The following MAP2 variants were observed in gnomAD, a reference collection of about 807,000 sequenced individuals.
MAP2 encodes microtubule associated protein 2, also known as microtubule-associated protein 2.
MAP2 carries 14 observed loss-of-function variants against 137.6 expected under a neutral mutation model. The observed-to-expected ratio is 0.10, with a 90% confidence interval of 0.07 to 0.16. The LOEUF is 0.16. Among genes scored for constraint, MAP2 ranks in the 10% least tolerant of loss-of-function variants. The probability of loss-of-function intolerance (pLI) is 1.00; values close to 1 mark genes in which losing one functional copy is unlikely to be tolerated. For synonymous variants in MAP2, 786 were observed against 782.3 expected, an observed-to-expected ratio of 1.00 and a Z score of -0.08; for missense variants, 2,088 against 2,191.5, an observed-to-expected ratio of 0.95 and a Z score of 0.94.
At chr2:209,632,767 C>T (rs2093209730) in intron 4 of MAP2, among the ~76,000 whole-genome samples, 1 of 152,110 alleles carries the variant, frequency 6.6e-6, no homozygotes. Flanking sequence ...GCTTTAATTC[C>T]TAAATCTGGC....
At chr2:209,554,217 T>C (rs2069933123) in intron 2 of MAP2, among the ~76,000 whole-genome samples, 2 of 152,214 alleles carry the variant, frequency 1.3e-5, no homozygotes, top group African/African-American at 4.8e-5. Flanking sequence ...GGTATTCAAA[T>C]CTAAACTCTC....
At chr2:209,469,038 T>C (rs576808864) in intron 1 of MAP2, among the ~76,000 whole-genome samples, 1 of 152,308 alleles carries the variant, frequency 6.6e-6, no homozygotes, top group East Asian at 1.9e-4. Context: ...TCATGAAATC[T>C]TACTAATAAG....
chr2:209,522,694 A>G (rs540313066), intron 2 of MAP2, among the ~76,000 whole-genome samples: 2 of 152,258 alleles, frequency 1.3e-5, no homozygotes, highest in African/African-American at 2.4e-5. Context: ...TTAAAGCTCC[A>G]TATGGAAGTT....
intron 4 of MAP2, among the ~76,000 whole-genome samples, chr2:209,633,885 C>A (rs530709485): frequency 6.6e-6 from 1 of 152,282 alleles, no homozygotes; most frequent in Admixed American, 6.5e-5. Context: ...GACATAGACC[C>A]TTTGCAGGGC....
intron 3 of MAP2, among the ~76,000 whole-genome samples, chr2:209,584,948 TA>T (rs2153414685): frequency 6.6e-6 from 1 of 152,272 alleles, no homozygotes; most frequent in East Asian, 1.9e-4. Flanking sequence ...CTTTTATTTT[TA>T]TTGTATCTCT....
rs769621380 is a variant in MAP2, at chr2:209,729,902, C to G, written c.5208C>G (p.Ala1736=). The change falls in exon 15 of 16, where the codon GCC becomes GCG. Residue 1736 remains alanine, a synonymous_variant. Transcript: ENST00000682079. ...TAAAACTAGATTTCAAAGAAAAGGC[C>G]CAAGCTAAAGTTGGTTCTCTTGATA... ...ESVKLDFKEK[A]QAKVGSLDNA... The G allele has an allele frequency of 6.2e-6, 10 of 1,613,586 alleles. No individual in the cohort carries two copies. The highest frequency in any genetic ancestry group is 8.5e-6 in the Non-Finnish European group (10 of 1,179,842).
intron 2 of MAP2, among the ~76,000 whole-genome samples, chr2:209,570,285 T>C (rs936557431): frequency 6.6e-6 from 1 of 151,858 alleles, no homozygotes. Context: ...TGTTTATCTC[T>C]TCCTCTTCTG....
intron 1 of MAP2, among the ~76,000 whole-genome samples, chr2:209,478,671 T>A (rs1707981470): frequency 6.6e-6 from 1 of 152,220 alleles, no homozygotes; most frequent in East Asian, 1.9e-4. Flanking sequence ...TTGATGTTTA[T>A]CATACATTAT....
intron 2 of MAP2, among the ~76,000 whole-genome samples, chr2:209,550,688 G>A (rs1226321062): frequency 6.6e-6 from 1 of 152,094 alleles, no homozygotes; most frequent in Non-Finnish European, 1.5e-5. Context: ...ATTAGTTCTT[G>A]TAGTTAACAA....
At position 209,530,392 on chromosome 2, in the gene MAP2, G is replaced by T. The variant is rs1250059168; in HGVS notation, c.-172+22751G>T. The stretch of plus-strand genomic sequence containing the variant: ...ATTCTTTTACTTAAGAAGAAGGAGA[G>T]AATTGATAATGAAGGACAGTTTTTG... On this transcript the variant is annotated intron_variant, in intron 2 of 15. Transcript: ENST00000682079. Among the ~76,000 whole-genome samples, 4 of 152,256 alleles carry T rather than the reference G, an allele frequency of 2.6e-5. No homozygotes were observed. In the East Asian group the frequency reaches 7.7e-4, roughly 29 times the overall value.
At chr2:209,515,545 C>T (rs1455375109) in intron 2 of MAP2, among the ~76,000 whole-genome samples, 1 of 152,020 alleles carries the variant, frequency 6.6e-6, no homozygotes, top group Non-Finnish European at 1.5e-5. Flanking sequence ...ACTTTAAAAC[C>T]ATCAGCTCTT....
chr2:209,593,634 A>AAAAT lies in MAP2; in HGVS notation c.-107+13535_-107+13536insAATA, dbSNP rs1286103137. On this transcript the variant is annotated intron_variant, in intron 3 of 15. Transcript: ENST00000682079. ...CCTGTCTCTACAAAAAAAAAAAAAA[A>AAAAT]ATATATATATATATATATATATATA... Among the ~76,000 whole-genome samples the AAAAT allele has an allele frequency of 6.2e-4, 21 of 33,642 alleles. 2 individuals are homozygous for AAAAT. Among genetic ancestry groups the AAAAT allele is most frequent in the African/African-American group, 1.3e-3 (10 of 7,936 alleles). The allele number at this position is 33,642 out of a possible 152,430, so 22.1% of individuals were successfully genotyped here.
At chr2:209,727,879 T>A (rs1485995266) in intron 14 of MAP2, among the ~76,000 whole-genome samples, 1 of 152,216 alleles carries the variant, frequency 6.6e-6, no homozygotes, top group Non-Finnish European at 1.5e-5. Flanking sequence ...CTTCTTAAGC[T>A]TCCTTTTCTG....
chr2:209,441,676 C>T (rs1256514271), intron 1 of MAP2, among the ~76,000 whole-genome samples: 2 of 151,490 alleles, frequency 1.3e-5, no homozygotes, highest in Non-Finnish European at 3.0e-5. Flanking sequence ...GCACAAGTCA[C>T]GAATGATGAA....
At position 209,679,012 on chromosome 2, in the gene MAP2, G is replaced by A. The variant is rs189503329; in HGVS notation, c.376+327G>A. On this transcript the variant is annotated intron_variant, in intron 6 of 15. Coordinates refer to ENST00000682079, the MANE Select transcript of MAP2 (RefSeq NM_001375505.1). ...CTTATTTCATGACCTCCACCCATAA[G>A]GATAATATACTAAAACTTTCATAAG... Among the ~76,000 whole-genome samples the A allele has an allele frequency of 5.3e-3, 803 of 152,052 alleles. 14 individuals are homozygous for A. Among genetic ancestry groups the A allele is most frequent in the African/African-American group, 0.018 (750 of 41,514 alleles).
intron 2 of MAP2, among the ~76,000 whole-genome samples, chr2:209,508,739 A>C (rs1297509273): frequency 6.6e-6 from 1 of 152,050 alleles, no homozygotes; most frequent in African/African-American, 2.4e-5. Flanking sequence ...GAAACTTAAT[A>C]AAGAAAAAAG....
Position 209,721,331 on chromosome 2 carries a change from TTATAA to T in MAP2, c.5074-4372_5074-4368del, listed in dbSNP as rs1324230100. 1.4e-4 allele frequency among the ~76,000 whole-genome samples: 22 copies of T among 152,244 alleles called. No individual in the cohort carries two copies. In the East Asian group the frequency reaches 3.7e-3, roughly 25 times the overall value. On this transcript the variant is annotated intron_variant, in intron 13 of 15. Transcript: ENST00000682079. ...ATTCACCTCATTTTAGATGAAAAAA[TTATAA>T]TATAAAGCTATTGCATATGGAAATA...
intron 2 of MAP2, among the ~76,000 whole-genome samples, chr2:209,533,272 G>A (rs1309523247): frequency 6.6e-6 from 1 of 152,036 alleles, no homozygotes; most frequent in Non-Finnish European, 1.5e-5. Flanking sequence ...AGCCTCCCAA[G>A]TAGCTGGGAT....
In MAP2 at chr2:209,700,268, T is replaced by G; in HGVS notation, c.4523-9T>G. On this transcript the variant is annotated splice_polypyrimidine_tract_variant and intron_variant, in intron 10 of 15. Transcript: ENST00000682079. ...AAGTTTGGGGTTGTTTGTCTTTTATTTTCAACAGCAGCAGGTGGGGAATCA... is the reference window on the plus strand; with the variant it reads ...AAGTTTGGGGTTGTTTGTCTTTTATGTTCAACAGCAGCAGGTGGGGAATCA... The G allele has an allele frequency of 6.2e-7, 1 of 1,612,776 alleles. No homozygotes were observed.
Sources: allele counts gnomAD v4.1 joint callset (sites outside exome capture counted in the v4.1 genomes callset), GRCh38; gene constraint gnomAD v4.1.1; transcripts MANE v1.5; gene names NCBI Gene and HGNC (gene_info 2026-07-23, HGNC 2026-07-21).